The following PRKG1 variants were observed in gnomAD, a reference collection of about 807,000 sequenced individuals.
PRKG1 encodes the protein cGMP-dependent protein kinase 1.
A neutral mutation model predicts 88.1 loss-of-function variants in PRKG1; 35 were observed. The observed-to-expected ratio is 0.40, with a 90% CI of 0.30 to 0.53. The LOEUF is 0.53. PRKG1 is among the 20% of genes least tolerant of loss of function. The pLI, the probability that PRKG1 is intolerant of heterozygous loss-of-function variation, is 0.59. For missense variants in PRKG1, 540 were observed against 839.8 expected, an observed-to-expected ratio of 0.64 and a Z score of 4.41; for synonymous variants, 303 against 292.5, an observed-to-expected ratio of 1.04 and a Z score of -0.37.
intron 1 of PRKG1, among the ~76,000 whole-genome samples, chr10:51,032,610 T>A (rs1442175173): frequency 6.6e-6 from 1 of 151,966 alleles, no homozygotes; most frequent in Non-Finnish European, 1.5e-5. Flanking sequence ...AATACAAAAA[T>A]TAGCTGGGAA....
intron 5 of PRKG1, chr10:51,911,138 T>C (rs1842207082): frequency 6.6e-6 from 1 of 152,218 alleles, no homozygotes; most frequent in Admixed American, 6.5e-5. Flanking sequence ...GAAAAAGTAC[T>C]GGCTATATTT....
intron 2 of PRKG1, among the ~76,000 whole-genome samples, chr10:51,173,304 C>T (rs1837094766): frequency 1.3e-5 from 2 of 152,028 alleles, no homozygotes; most frequent in Admixed American, 6.6e-5. Flanking sequence ...GTTTCTAAAA[C>T]TTCTGTTGAA....
At chr10:51,268,720 G>C (rs143515113) in intron 2 of PRKG1, among the ~76,000 whole-genome samples, 2 of 151,954 alleles carry the variant, frequency 1.3e-5, no homozygotes, top group African/African-American at 2.4e-5. Flanking sequence ...GTCCTGAGGC[G>C]ACATACATCC....
chr10:52,066,403 AC>A (rs1846355169), intron 7 of PRKG1, among the ~76,000 whole-genome samples: 1 of 152,142 alleles, frequency 6.6e-6, no homozygotes, highest in Admixed American at 6.5e-5. Context: ...TCTTATTTGA[AC>A]CCGGTGTCTG....
chr10:51,127,846 C>T (rs1188422678), intron 1 of PRKG1, among the ~76,000 whole-genome samples: 1 of 152,056 alleles, frequency 6.6e-6, no homozygotes, highest in Non-Finnish European at 1.5e-5. Context: ...TCCTCAGCAA[C>T]CTAACACAGG....
intron 3 of PRKG1, among the ~76,000 whole-genome samples, chr10:51,556,502 G>A (rs898807966): frequency 1.3e-5 from 2 of 151,802 alleles, no homozygotes; most frequent in Non-Finnish European, 2.9e-5. Flanking sequence ...ATCAATGGTG[G>A]ACTGGAAATG....
chr10:52,097,299 G>A (rs1847194671), intron 7 of PRKG1, among the ~76,000 whole-genome samples: 1 of 152,068 alleles, frequency 6.6e-6, no homozygotes, highest in African/African-American at 2.4e-5. Context: ...GGAAAAGAAG[G>A]TAAGAATGAG....
chr10:52,085,127 G>T (rs1846879006), intron 7 of PRKG1, among the ~76,000 whole-genome samples: 1 of 152,052 alleles, frequency 6.6e-6, no homozygotes, highest in Non-Finnish European at 1.5e-5. Flanking sequence ...AGATCTTTCA[G>T]CTAGGTCATT....
intron 9 of PRKG1, among the ~76,000 whole-genome samples, chr10:52,197,144 A>AT (rs1320828294): frequency 1.3e-5 from 2 of 152,046 alleles, no homozygotes; most frequent in Admixed American, 6.5e-5. Context: ...GGACATTCAG[A>AT]TTTTTTTGTG....
At chr10:51,734,274 A>G (rs1837203570) in intron 3 of PRKG1, among the ~76,000 whole-genome samples, 1 of 152,164 alleles carries the variant, frequency 6.6e-6, no homozygotes, top group African/African-American at 2.4e-5. Context: ...AATGGCTTGC[A>G]TCTATTTGAA....
intron 5 of PRKG1, among the ~76,000 whole-genome samples, chr10:51,913,340 C>T (rs987174063): frequency 1.3e-5 from 2 of 152,144 alleles, no homozygotes; most frequent in African/African-American, 4.8e-5. Flanking sequence ...GCATAAGTAT[C>T]CAATAAGTAG....
rs1160337139 is a variant in PRKG1, at chr10:51,871,655, G to A, written c.699-35852G>A. Among the ~76,000 whole-genome samples, 3 of 152,310 alleles carry A rather than the reference G, an allele frequency of 2.0e-5. No individual in the cohort carries two copies. In the East Asian group the frequency reaches 5.8e-4, roughly 29 times the overall value. ...CATAGTCCATCCCAGCAAAAAGGTT[G>A]CAATATACGCTTCCACCATGGATTG... On this transcript the variant is annotated intron_variant, in intron 4 of 17. Transcript: ENST00000373980.
chr10:51,979,469 G>A (rs965846816), intron 5 of PRKG1, among the ~76,000 whole-genome samples: 1 of 130,346 alleles, frequency 7.7e-6, no homozygotes, highest in Admixed American at 8.4e-5. Context: ...GTATCAGGAT[G>A]ACGCTGGCCT....
intron 3 of PRKG1, among the ~76,000 whole-genome samples, chr10:51,683,709 G>A (rs576697659): frequency 6.6e-6 from 1 of 152,272 alleles, no homozygotes; most frequent in Admixed American, 6.5e-5. Flanking sequence ...CTGCCATGCA[G>A]TGTTCACTTC....
chr10:51,316,904 T>C (rs937577740), intron 2 of PRKG1, among the ~76,000 whole-genome samples: 4 of 151,876 alleles, frequency 2.6e-5, no homozygotes, highest in Non-Finnish European at 5.9e-5. Context: ...CAAAAATGAG[T>C]GGATAGTTAA....
intron 3 of PRKG1, among the ~76,000 whole-genome samples, chr10:51,633,821 A>T (rs983263046): frequency 1.3e-5 from 2 of 152,276 alleles, no homozygotes; most frequent in African/African-American, 4.8e-5. Context: ...GACAGCATGT[A>T]GACCAAACAA....
intron 3 of PRKG1, among the ~76,000 whole-genome samples, chr10:51,501,094 G>T (rs941431712): frequency 1.3e-5 from 2 of 152,066 alleles, no homozygotes; most frequent in South Asian, 2.1e-4. Flanking sequence ...TGGCCATTTT[G>T]TTCAGTTTTC....
At chr10:51,394,606 G>T (rs570918039) in intron 2 of PRKG1, among the ~76,000 whole-genome samples, 1 of 152,234 alleles carries the variant, frequency 6.6e-6, no homozygotes, top group East Asian at 1.9e-4. Flanking sequence ...AAAGTAGATA[G>T]GGAAATGCTG....
intron 1 of PRKG1, among the ~76,000 whole-genome samples, chr10:51,129,161 A>G (rs1845503144): frequency 6.6e-6 from 1 of 152,178 alleles, no homozygotes; most frequent in African/African-American, 2.4e-5. Flanking sequence ...CAAGTTTTTC[A>G]CAACAGGAAA....
Sources: gnomAD v4.1 joint callset for allele counts (sites outside exome capture counted in the v4.1 genomes callset) on GRCh38, gnomAD v4.1.1 for gene constraint, MANE v1.5 for transcripts, NCBI Gene and HGNC (gene_info 2026-07-23, HGNC 2026-07-21) for gene names.